Variants in MEAF6 observed in about 807,000 individuals in gnomAD.
MEAF6 encodes the protein chromatin modification-related protein MEAF6.
Under a neutral mutation model 28.9 loss-of-function variants are expected in MEAF6, and 15 were observed. The ratio of observed to expected loss-of-function variants is 0.52; its 90% confidence interval spans 0.35 to 0.80. The LOEUF (loss-of-function observed/expected upper bound fraction) is 0.80, where lower values mean the gene tolerates loss of function less well. Ranked by LOEUF, MEAF6 falls within the 30% of genes least tolerant of loss-of-function variation. MEAF6 has a pLI of 0.01. For missense variants in MEAF6, 178 were observed against 237.5 expected (o/e 0.75, Z 1.65); for synonymous variants, 97 against 88.7 (o/e 1.09, Z -0.53).
At chr1:37,501,771 G>A in intron 5 of MEAF6, 33 bp downstream of exon 5, 2 of 1,516,106 alleles carry the variant, frequency 1.3e-6, no homozygotes, top group African/African-American at 1.4e-5. Flanking sequence ...CAATGGTCAT[G>A]GGAGCTGCGG....
At chr1:37,514,503 C>G in intron 1 of MEAF6, 154 bp downstream of exon 1, 1 of 429,936 alleles carries the variant, frequency 2.3e-6, no homozygotes, top group Non-Finnish European at 3.9e-6. Context: ...GCCGGCGGGC[C>G]GCAGAATGCG....
chr1:37,494,069 A>T lies in MEAF6; in HGVS notation c.*30T>A. The T allele has an allele frequency of 6.2e-7, 1 of 1,607,804 alleles. No individual in the cohort carries two copies. Among genetic ancestry groups the T allele is most frequent in the Non-Finnish European group, 8.5e-7 (1 of 1,178,500 alleles). On this transcript the variant is annotated 3_prime_UTR_variant, in exon 7 of 7. Coordinates refer to ENST00000296214, the MANE Select transcript of MEAF6 (RefSeq NM_001270875.3). ...TCAGAGAAGGGAAGCAGGGCTCTAC[A>T]GCCTGGAAGCTTCTGCACTAATGTG... is the stretch of plus-strand genomic sequence containing the variant.
chr1:37,513,276 G>A (rs540621254), intron 2 of MEAF6, 147 bp downstream of exon 2: 6 of 630,034 alleles, frequency 9.5e-6, no homozygotes, highest in Admixed American at 2.8e-5. Flanking sequence ...CGGTGAGGCA[G>A]TGCCTGAGCC....
chr1:37,507,113 A>T (rs1365664723), intron 4 of MEAF6, among the ~76,000 whole-genome samples: 3 of 152,210 alleles, frequency 2.0e-5, no homozygotes, highest in Non-Finnish European at 4.4e-5. Flanking sequence ...TGAGGTCAGG[A>T]GTTCAAGATC....
At position 37,492,511 on chromosome 1, in the gene MEAF6, C is replaced by G. The variant is rs1199591561; in HGVS notation, c.*1588G>C. ...AACTATTTCCTTAAAAATCCTGACA[C>G]TGGAGTTCTGCTACCAAAGACACAG... is the stretch of plus-strand genomic sequence containing the variant. On this transcript the variant is annotated 3_prime_UTR_variant, in exon 7 of 7. Transcript: ENST00000296214. The G allele has an allele frequency of 7.4e-6, 1 of 134,410 alleles. No homozygotes were observed. Among genetic ancestry groups the G allele is most frequent in the Non-Finnish European group, 1.5e-5 (1 of 65,392 alleles). The allele number at this position is 134,410 out of a possible 1,614,324, so 8.3% of individuals were successfully genotyped here.
At chr1:37,506,600 C>T (rs1361905095) in intron 4 of MEAF6, among the ~76,000 whole-genome samples, 1 of 152,118 alleles carries the variant, frequency 6.6e-6, no homozygotes, top group Non-Finnish European at 1.5e-5. Context: ...CTAGTCTGGT[C>T]TTGAACTCCA....
At chr1:37,506,694 T>C (rs1338411252) in intron 4 of MEAF6, among the ~76,000 whole-genome samples, 3 of 152,120 alleles carry the variant, frequency 2.0e-5, no homozygotes, top group African/African-American at 7.2e-5. Flanking sequence ...TTCAGGTTTT[T>C]GTTTTGTTTT....
chr1:37,494,222 G>C, intron 6 of MEAF6, 115 bp from the exon 7 acceptor site: 1 of 893,760 alleles, frequency 1.1e-6, no homozygotes, highest in Non-Finnish European at 1.8e-6. Flanking sequence ...TATAGCTAAA[G>C]ATTATATTTC....
Position 37,495,919 on chromosome 1 carries a change from C to T in MEAF6, c.534-1G>A, listed in dbSNP as rs773417627. 6.2e-7 allele frequency: 1 copy of T among 1,613,572 alleles called. No individual in the cohort carries two copies. The highest frequency in any genetic ancestry group is 1.1e-5 in the South Asian group (1 of 91,070). On this transcript the variant is annotated splice_acceptor_variant, in intron 5 of 6. Coordinates refer to ENST00000296214, the MANE Select transcript of MEAF6 (RefSeq NM_001270875.3). LOFTEE classifies it high-confidence loss of function. Reference sequence around the variant, plus strand: ...TTTTTTGTTTAACTTCAGATCAATCCTGTGACAGAAAAGATAAAAGATATT... The same window carrying T: ...TTTTTTGTTTAACTTCAGATCAATCTTGTGACAGAAAAGATAAAAGATATT...
At chr1:37,504,200 G>A (rs74383070) in intron 4 of MEAF6, among the ~76,000 whole-genome samples, 8 of 152,112 alleles carry the variant, frequency 5.3e-5, no homozygotes, top group South Asian at 2.1e-4. Context: ...TGTGAAGAAG[G>A]TGCTTGCTTC....
rs761279627 is a variant in MEAF6, at chr1:37,490,450, G to A, written c.*3649C>T. Among the ~76,000 whole-genome samples the A allele has an allele frequency of 6.6e-6, 1 of 152,106 alleles. No homozygotes were observed. Among genetic ancestry groups the A allele is most frequent in the African/African-American group, 2.4e-5 (1 of 41,434 alleles). ...GCACTATGACACTATCCTGGGAGAA[G>A]CAAATGTGTACAAAGAAGCACAATC... On this transcript the variant is annotated 3_prime_UTR_variant, in exon 7 of 7. Coordinates refer to ENST00000296214, the MANE Select transcript of MEAF6 (RefSeq NM_001270875.3).
chr1:37,499,833 C>A (rs1360425693), intron 5 of MEAF6, among the ~76,000 whole-genome samples: 4 of 152,148 alleles, frequency 2.6e-5, no homozygotes, highest in Non-Finnish European at 4.4e-5. Context: ...AAGTTTAGCT[C>A]CTCTTTAACT....
Position 37,493,518 on chromosome 1 carries a change from C to A in MEAF6, c.*581G>T. The A allele has an allele frequency of 2.0e-6, 1 of 489,634 alleles. No homozygotes were observed. Among genetic ancestry groups the A allele is most frequent in the African/African-American group, 2.0e-5 (1 of 49,584 alleles). 30.3% of individuals were successfully genotyped at this position (489,634 alleles called of 1,614,324 possible). A position where few individuals can be genotyped will look rare whatever the true frequency, so the allele number is the denominator to read the frequency against. ...GTTTCCCATTTTACTTATGATAAAC[C>A]AGATTATTTTCAGTTATGAATATTG... On this transcript the variant is annotated 3_prime_UTR_variant, in exon 7 of 7. Coordinates refer to ENST00000296214, the MANE Select transcript of MEAF6 (RefSeq NM_001270875.3).
rs943152540 is a variant in MEAF6 at position 37,509,126 on chromosome 1, A to G, written c.340+152T>C. On this transcript the variant is annotated intron_variant, in intron 4 of 6. Coordinates refer to ENST00000296214, the MANE Select transcript of MEAF6 (RefSeq NM_001270875.3). ...GGAGTGGAGAAAAACATGATTAAGG[A>G]TACCCTAAAAGTTTCAAAACTTCCA... The G allele has an allele frequency of 5.7e-6, 4 of 707,540 alleles. No individual in the cohort carries two copies. The African/African-American group carries it at 7.2e-5, about 13-fold the overall frequency. 43.8% of individuals were successfully genotyped at this position (707,540 alleles called of 1,614,324 possible). A position where few individuals can be genotyped will look rare whatever the true frequency, so the allele number is the denominator to read the frequency against.
chr1:37,494,300 G>C (rs543262784), intron 6 of MEAF6, among the ~76,000 whole-genome samples, 193 bp from the exon 7 acceptor site: 1 of 152,068 alleles, frequency 6.6e-6, no homozygotes, highest in East Asian at 1.9e-4. Flanking sequence ...GAGATCACGA[G>C]GTCAGGAGTT....
At position 37,493,812 on chromosome 1, in the gene MEAF6, ATTCT is replaced by A. The variant is rs1240695218; in HGVS notation, c.*283_*286del. 1 of 1,550,792 alleles carries A rather than the reference ATTCT, an allele frequency of 6.4e-7. No homozygotes were observed. Among genetic ancestry groups the A allele is most frequent in the Non-Finnish European group, 8.7e-7 (1 of 1,147,106 alleles). On this transcript the variant is annotated 3_prime_UTR_variant, in exon 7 of 7. Coordinates refer to ENST00000296214, the MANE Select transcript of MEAF6 (RefSeq NM_001270875.3). ...CCAGCCAGTTTTGGGGGAGACATTC[ATTCT>A]AAGAAGGGAGAAACGCACAGTTAGC...
At chr1:37,510,625 A>G (rs116446765) in intron 2 of MEAF6, among the ~76,000 whole-genome samples, 7,740 of 150,134 alleles carry the variant, frequency 0.052, 288 homozygotes, top group Non-Finnish European at 0.077. Context: ...CAAGTGATAC[A>G]CTCACCTTGG....
chr1:37,511,382 T>TA (rs1174736127), intron 2 of MEAF6, among the ~76,000 whole-genome samples: 1 of 152,166 alleles, frequency 6.6e-6, no homozygotes, highest in East Asian at 1.9e-4. Context: ...ATAATACAAT[T>TA]AGAGAATCAC....
intron 3 of MEAF6, 38 bp downstream of exon 3, chr1:37,509,417 A>G (rs369322216): frequency 1.7e-5 from 27 of 1,610,090 alleles, no homozygotes; most frequent in Non-Finnish European, 2.2e-5. Flanking sequence ...TTCCCCAACA[A>G]CAGGCCAAAG....
Sources: gnomAD v4.1 joint callset for allele counts (sites outside exome capture counted in the v4.1 genomes callset) on GRCh38, gnomAD v4.1.1 for gene constraint, MANE v1.5 for transcripts, NCBI Gene and HGNC (gene_info 2026-07-23, HGNC 2026-07-21) for gene names.